SLC15A1: variants seen among roughly 807,000 people sequenced by gnomAD.
SLC15A1 encodes the protein solute carrier family 15 member 1, also known as Caco-2 oligopeptide transporter.
A neutral mutation model predicts 92.9 loss-of-function variants in SLC15A1; 83 were observed. The ratio of observed to expected loss-of-function variants is 0.89; its 90% CI spans 0.75 to 1.07. The LOEUF (loss-of-function observed/expected upper bound fraction) is 1.07, where lower values mean the gene tolerates loss of function less well. Ranked by LOEUF, SLC15A1 falls within the 50% of genes least tolerant of loss-of-function variation. The probability of loss-of-function intolerance (pLI) is 0.00; values close to 1 mark genes in which losing one functional copy is unlikely to be tolerated. For missense variants in SLC15A1, 857 were observed against 880.1 expected (o/e 0.97, Z 0.33); for synonymous variants, 322 against 318.2 (o/e 1.01, Z -0.13).
At chr13:98,715,548 A>G (rs1038831112) in intron 9 of SLC15A1, among the ~76,000 whole-genome samples, 1 of 152,156 alleles carries the variant, frequency 6.6e-6, no homozygotes, top group African/African-American at 2.4e-5. Context: ...CTTGCTACAC[A>G]TTGCCAAATT....
intron 18 of SLC15A1, 110 bp downstream of exon 18, chr13:98,702,370 C>T: frequency 3.7e-6 from 3 of 816,898 alleles, no homozygotes; most frequent in East Asian, 2.5e-5. Flanking sequence ...ATTGCTGGGA[C>T]AAACCCTATA....
chr13:98,728,977 TA>T (rs71218592), intron 1 of SLC15A1, among the ~76,000 whole-genome samples: 1,459 of 13,816 alleles, frequency 0.11, 8 homozygotes, highest in East Asian at 0.29. Flanking sequence ...TAAGGCTCTG[TA>T]AAAAAAAAAA....
chr13:98,740,113 T>C (rs2088431351), intron 1 of SLC15A1, among the ~76,000 whole-genome samples: 1 of 152,230 alleles, frequency 6.6e-6, no homozygotes. Context: ...CAAGCCATCA[T>C]GACAAGCCTT....
intron 1 of SLC15A1, among the ~76,000 whole-genome samples, chr13:98,749,182 CAGG>C (rs1331987570): frequency 3.3e-5 from 5 of 152,268 alleles, no homozygotes; most frequent in South Asian, 2.1e-4. Flanking sequence ...CAAGAGTTGA[CAGG>C]AGGAGGAGAG....
intron 1 of SLC15A1, among the ~76,000 whole-genome samples, chr13:98,738,884 C>A (rs2088417513): frequency 6.6e-6 from 1 of 152,232 alleles, no homozygotes; most frequent in Non-Finnish European, 1.5e-5. Flanking sequence ...CAACATCTTG[C>A]ACTCTCAGCA....
At chr13:98,743,320 A>C (rs1384056912) in intron 1 of SLC15A1, among the ~76,000 whole-genome samples, 1 of 152,182 alleles carries the variant, frequency 6.6e-6, no homozygotes, top group African/African-American at 2.4e-5. Flanking sequence ...TTCCACACAC[A>C]ACTATCTAAA....
At chr13:98,714,466 G>A (rs1421042209) in intron 9 of SLC15A1, among the ~76,000 whole-genome samples, 1 of 151,998 alleles carries the variant, frequency 6.6e-6, no homozygotes, top group Non-Finnish European at 1.5e-5. Context: ...AGACCAGCCT[G>A]GCCAACATGG....
chr13:98,743,340 T>C (rs4646211), intron 1 of SLC15A1, among the ~76,000 whole-genome samples: 11,348 of 152,312 alleles, frequency 0.075, 735 homozygotes, highest in East Asian at 0.33. Context: ...AATCATAGGC[T>C]GAAGAGGCCT....
In SLC15A1 at chr13:98,719,284, T is replaced by C. The variant is rs369068628; in HGVS notation, c.593A>G (p.Tyr198Cys). ...AGCAGGAACCCCAAAGGCCAGTGGG[T>C]AACAAGCTTGTTTACTGTGAATTCC... is the stretch of plus-strand genomic sequence containing the variant. Reference protein sequence around the residue: ...QCGIHSKQACYPLAFGVPAAL... With the variant: ...QCGIHSKQACCPLAFGVPAAL... The change falls in exon 8 of 23, where the codon TAC becomes TGC. Residue 198 changes from tyrosine to cysteine, a missense_variant. Physicochemically the swap from Tyr to Cys is radical, Grantham distance 194. Coordinates refer to ENST00000376503, the MANE Select transcript of SLC15A1 (RefSeq NM_005073.4). 4.8e-5 allele frequency: 77 copies of C among 1,613,810 alleles called. No individual in the cohort carries two copies. Among genetic ancestry groups the C allele is most frequent in the Non-Finnish European group, 6.1e-5 (72 of 1,179,858 alleles).
intron 1 of SLC15A1, among the ~76,000 whole-genome samples, chr13:98,750,825 C>A (rs1297819195): frequency 6.6e-6 from 1 of 151,316 alleles, no homozygotes; most frequent in Non-Finnish European, 1.5e-5. Flanking sequence ...CACGTTGGCT[C>A]ACTGCAACCT....
In SLC15A1 at chr13:98,752,579, C is replaced by A. The variant is rs8187813; in HGVS notation, c.4+16G>T. The A allele has an allele frequency of 1.4e-5, 18 of 1,260,074 alleles. No homozygotes were observed. The highest frequency in any genetic ancestry group is 2.3e-4 in the Middle Eastern group (1 of 4,372). The allele number at this position is 1,260,074 out of a possible 1,614,324, so 78.1% of individuals were successfully genotyped here. The stretch of plus-strand genomic sequence containing the variant: ...CGAGTCTTTAGCCCGGCCGGCCCCC[C>A]ACCCGCCGAGCGTACCCATGGCGGC... On this transcript the variant is annotated intron_variant, in intron 1 of 22. Transcript: ENST00000376503.
intron 15 of SLC15A1, among the ~76,000 whole-genome samples, chr13:98,708,467 A>G (rs959629722): frequency 2.0e-5 from 3 of 152,202 alleles, no homozygotes; most frequent in African/African-American, 7.2e-5. Flanking sequence ...AAACTGTATT[A>G]TAAATGCAAG....
intron 18 of SLC15A1, among the ~76,000 whole-genome samples, chr13:98,689,861 C>T (rs918302515): frequency 1.1e-4 from 17 of 152,244 alleles, no homozygotes; most frequent in Non-Finnish European, 1.8e-4. Context: ...CCAATAAGAC[C>T]GACTTCCAGG....
chr13:98,691,291 C>T (rs9517406), intron 18 of SLC15A1, among the ~76,000 whole-genome samples: 22,571 of 152,120 alleles, frequency 0.15, 1,935 homozygotes, highest in African/African-American at 0.23. Flanking sequence ...CCCACCTCGG[C>T]CTCCCAAAAA....
At chr13:98,728,708 C>T (rs1177246400) in intron 1 of SLC15A1, among the ~76,000 whole-genome samples, 13 of 151,862 alleles carry the variant, frequency 8.6e-5, no homozygotes, top group South Asian at 2.1e-4. Flanking sequence ...AGGCTGGGCG[C>T]GGTGGCTCAC....
At chr13:98,708,122 A>G (rs979696128) in intron 15 of SLC15A1, among the ~76,000 whole-genome samples, 3 of 151,722 alleles carry the variant, frequency 2.0e-5, no homozygotes, top group Admixed American at 6.6e-5. Flanking sequence ...AGAAAGACAG[A>G]GAGAGAGAGG....
chr13:98,717,558 GA>G (rs2088220711), intron 8 of SLC15A1, among the ~76,000 whole-genome samples: 1 of 152,152 alleles, frequency 6.6e-6, no homozygotes, highest in African/African-American at 2.4e-5. Flanking sequence ...AAGACTTTTG[GA>G]AATGCTCTCT....
At chr13:98,698,683 T>A (rs2088042930) in intron 18 of SLC15A1, among the ~76,000 whole-genome samples, 2 of 152,166 alleles carry the variant, frequency 1.3e-5, no homozygotes, top group South Asian at 2.1e-4. Flanking sequence ...GTGATCCACC[T>A]ACCTCAGCCT....
intron 18 of SLC15A1, among the ~76,000 whole-genome samples, chr13:98,691,184 C>T (rs985248616): frequency 2.5e-4 from 38 of 152,208 alleles, no homozygotes; most frequent in African/African-American, 8.4e-4. Flanking sequence ...GCTGGGACTA[C>T]AGGCCCCCGC....
Sources: gnomAD v4.1 joint callset for allele counts (sites outside exome capture counted in the v4.1 genomes callset) on GRCh38, gnomAD v4.1.1 for gene constraint, MANE v1.5 for transcripts, NCBI Gene and HGNC (gene_info 2026-07-23, HGNC 2026-07-21) for gene names.